Variants in INPP4B observed in about 807,000 individuals in gnomAD.
INPP4B encodes inositol polyphosphate 4-phosphatase type II.
Under a neutral mutation model 122.5 loss-of-function variants are expected in INPP4B, and 55 were observed. The observed-to-expected ratio is 0.45, with a 90% CI of 0.36 to 0.56. The LOEUF (loss-of-function observed/expected upper bound fraction) is 0.56, where lower values mean the gene tolerates loss of function less well. Among genes scored for constraint, INPP4B ranks in the 20% least tolerant of loss-of-function variants. INPP4B has a pLI of 0.00. For missense variants in INPP4B, 1,000 were observed against 1,097.7 expected (o/e 0.91, Z 1.26); for synonymous variants, 403 against 388.7 (o/e 1.04, Z -0.43).
intron 7 of INPP4B, among the ~76,000 whole-genome samples, chr4:142,382,657 TTA>T (rs1157657418): frequency 7.2e-5 from 8 of 111,498 alleles, no homozygotes; most frequent in South Asian, 4.6e-4. Flanking sequence ...TTATATATAT[TTA>T]TATATATATT....
chr4:142,211,450 T>C (rs1006304623), intron 12 of INPP4B, among the ~76,000 whole-genome samples: 2 of 152,110 alleles, frequency 1.3e-5, no homozygotes, highest in African/African-American at 4.8e-5. Context: ...AACCTTTCCT[T>C]GGCATCTCAA....
At chr4:142,594,299 A>G (rs2150262043) in intron 2 of INPP4B, among the ~76,000 whole-genome samples, 1 of 152,340 alleles carries the variant, frequency 6.6e-6, no homozygotes, top group East Asian at 1.9e-4. Flanking sequence ...GAGGCAAAGT[A>G]AAGAACATTT....
intron 2 of INPP4B, among the ~76,000 whole-genome samples, chr4:142,696,608 T>C (rs529097875): frequency 2.6e-5 from 4 of 152,262 alleles, no homozygotes; most frequent in African/African-American, 9.6e-5. Flanking sequence ...TGGGTCATCC[T>C]GGCATCTGCA....
intron 2 of INPP4B, among the ~76,000 whole-genome samples, chr4:142,503,946 C>T (rs1160986035): frequency 6.6e-6 from 1 of 151,834 alleles, no homozygotes; most frequent in Admixed American, 6.6e-5. Flanking sequence ...AAACAAATTC[C>T]ATATTTGTTA....
intron 3 of INPP4B, among the ~76,000 whole-genome samples, chr4:142,444,286 C>A (rs1219160131): frequency 1.3e-5 from 2 of 152,024 alleles, no homozygotes; most frequent in Admixed American, 1.3e-4. Context: ...GGATAGATTG[C>A]AAAAATTTTC....
chr4:142,801,100 A>G (rs1193730095), intron 1 of INPP4B, among the ~76,000 whole-genome samples: 4 of 152,156 alleles, frequency 2.6e-5, no homozygotes, highest in Non-Finnish European at 5.9e-5. Flanking sequence ...TGAAAAAAAA[A>G]TGGAGTATGA....
intron 2 of INPP4B, among the ~76,000 whole-genome samples, chr4:142,678,439 C>A (rs1211212378): frequency 6.6e-6 from 1 of 151,894 alleles, no homozygotes; most frequent in Admixed American, 6.6e-5. Flanking sequence ...TCCCATTAGA[C>A]AACTGAGTGT....
chr4:142,421,665 C>T (rs1025323229), intron 5 of INPP4B, among the ~76,000 whole-genome samples: 1 of 152,038 alleles, frequency 6.6e-6, no homozygotes, highest in African/African-American at 2.4e-5. Context: ...GGAAAATGAG[C>T]TCTAGGATTT....
intron 2 of INPP4B, among the ~76,000 whole-genome samples, chr4:142,529,488 C>A (rs1331115948): frequency 6.6e-6 from 1 of 151,848 alleles, no homozygotes; most frequent in Non-Finnish European, 1.5e-5. Context: ...AATCATGATT[C>A]TTCTCATGAA....
intron 23 of INPP4B, among the ~76,000 whole-genome samples, chr4:142,102,229 A>T (rs975134781): frequency 6.6e-6 from 1 of 152,092 alleles, no homozygotes; most frequent in Non-Finnish European, 1.5e-5. Context: ...TAAAAATATA[A>T]GTTCAAAGGA....
chr4:142,270,516 C>T, intron 10 of INPP4B, 147 bp downstream of exon 10: 2 of 639,246 alleles, frequency 3.1e-6, no homozygotes, highest in Admixed American at 2.5e-5. Context: ...CTGAAACACA[C>T]ATATTGTATT....
chr4:142,547,649 G>A (rs974327034), intron 2 of INPP4B, among the ~76,000 whole-genome samples: 4 of 152,198 alleles, frequency 2.6e-5, no homozygotes, highest in Non-Finnish European at 5.9e-5. Context: ...TGACTTGGCT[G>A]AAGTGACAGC....
chr4:142,208,505 C>A lies in INPP4B; in HGVS notation c.992G>T (p.Ser331Ile). ...AAATTCTAATGTTTTCTCTCCTTTG[C>A]TGCTGCTTGATTTGAAAGAGGACCC... ...ETGSSFKSSSSKGEKTLEFVP... is the reference protein window; with the variant it reads ...ETGSSFKSSSIKGEKTLEFVP... Residue 331 changes from serine (S) to isoleucine (I), a missense_variant, in exon 14 of 26, where the codon AGC becomes ATC. By Grantham distance (142) the Ser-to-Ile change is moderately radical. Transcript: ENST00000262992. The A allele has an allele frequency of 1.3e-6, 2 of 1,598,596 alleles. No individual in the cohort carries two copies. The highest frequency in any genetic ancestry group is 1.7e-6 in the Non-Finnish European group (2 of 1,171,598).
intron 25 of INPP4B, among the ~76,000 whole-genome samples, chr4:142,042,114 G>A (rs534407016): frequency 1.1e-4 from 16 of 152,230 alleles, no homozygotes; most frequent in African/African-American, 3.4e-4. Context: ...GTCATCTACC[G>A]TCACTTGTTC....
intron 8 of INPP4B, chr4:142,305,755 A>T (rs1763115565): frequency 2.2e-6 from 3 of 1,373,866 alleles, no homozygotes; most frequent in South Asian, 1.4e-5. Context: ...AAGAAAAGAG[A>T]CCAACAGGCT....
chr4:142,831,617 T>C (rs1309417165), intron 1 of INPP4B, among the ~76,000 whole-genome samples: 1 of 152,226 alleles, frequency 6.6e-6, no homozygotes, highest in Non-Finnish European at 1.5e-5. Context: ...CAATGAATTA[T>C]GATTAGGCTA....
intron 10 of INPP4B, among the ~76,000 whole-genome samples, chr4:142,266,132 A>T (rs1303669133): frequency 6.6e-6 from 1 of 152,114 alleles, no homozygotes; most frequent in African/African-American, 2.4e-5. Context: ...TAGCTTCCGA[A>T]TCCTCCTTCC....
chr4:142,821,715 A>G (rs1446092329), intron 1 of INPP4B, among the ~76,000 whole-genome samples: 7 of 152,302 alleles, frequency 4.6e-5, no homozygotes, highest in African/African-American at 1.7e-4. Flanking sequence ...ATTGAATATA[A>G]TAACAAGAAT....
chr4:142,711,194 T>G (rs1391171487), intron 2 of INPP4B, among the ~76,000 whole-genome samples: 1 of 152,222 alleles, frequency 6.6e-6, no homozygotes, highest in East Asian at 1.9e-4. Context: ...TTTGGTCCTA[T>G]GACCTCCTTC....
Sources: gnomAD v4.1 joint callset for allele counts (sites outside exome capture counted in the v4.1 genomes callset) on GRCh38, gnomAD v4.1.1 for gene constraint, MANE v1.5 for transcripts, NCBI Gene and HGNC (gene_info 2026-07-23, HGNC 2026-07-21) for gene names.